The following LZTFL1 variants were observed in gnomAD, a reference collection of about 807,000 sequenced individuals.
LZTFL1 encodes the protein leucine zipper transcription factor-like protein 1.
A neutral mutation model predicts 45.9 loss-of-function variants in LZTFL1; 25 were observed. The observed-to-expected ratio is 0.54, with a 90% CI of 0.40 to 0.76. The LOEUF is 0.76. Among genes scored for constraint, LZTFL1 ranks in the 30% least tolerant of loss-of-function variants. The pLI is 0.00. For missense variants in LZTFL1, 277 were observed against 331.1 expected (o/e 0.84, Z 1.27); for synonymous variants, 93 against 117.4 (o/e 0.79, Z 1.35).
Position 45,827,128 on chromosome 3 carries a change from G to T in LZTFL1, c.881+228C>A, listed in dbSNP as rs1335403694. ...AATCCATTGCCAAGAGCAGCTTACT[G>T]TAGGCCTGTGTGAGTCTAAAGGCCT... On this transcript the variant is annotated intron_variant, in intron 9 of 9. Transcript: ENST00000296135. 2.0e-5 allele frequency: 10 copies of T among 501,300 alleles called. No individual in the cohort carries two copies. The South Asian group carries it at 2.8e-4, about 14-fold the overall frequency. The allele number at this position is 501,300 out of a possible 1,614,324, so 31.1% of individuals were successfully genotyped here.
upstream of LZTFL1, among the ~76,000 whole-genome samples, chr3:45,842,321 C>T (rs777545810): frequency 1.3e-5 from 2 of 152,260 alleles, no homozygotes; most frequent in Non-Finnish European, 2.9e-5. Context: ...GTTGGGCTGC[C>T]TGGAGTTGCG....
chr3:45,838,853 T>C (rs1168047744), intron 1 of LZTFL1, among the ~76,000 whole-genome samples: 1 of 152,038 alleles, frequency 6.6e-6, no homozygotes, highest in African/African-American at 2.4e-5. Flanking sequence ...ATAGCAAGAG[T>C]TGAAGGGAAG....
rs200260353 is a variant in LZTFL1, at chr3:45,825,115, A to C, written c.*1199T>G. 186 of 382,242 alleles carry C rather than the reference A, an allele frequency of 4.9e-4. No individual in the cohort carries two copies. Among genetic ancestry groups the C allele is most frequent in the East Asian group, 3.0e-3 (81 of 27,024 alleles). 23.7% of individuals were successfully genotyped at this position (382,242 alleles called of 1,614,324 possible). ...AAAATAACAACAAGCCCTATGCTCCAATCAGTAAACTCGTTTCTTGGAATA... is the reference window on the plus strand; with the variant it reads ...AAAATAACAACAAGCCCTATGCTCCCATCAGTAAACTCGTTTCTTGGAATA... On this transcript the variant is annotated 3_prime_UTR_variant, in exon 10 of 10. Coordinates refer to ENST00000296135, the MANE Select transcript of LZTFL1 (RefSeq NM_020347.4).
chr3:45,831,799 C>T (rs115894083), intron 5 of LZTFL1, among the ~76,000 whole-genome samples: 115 of 152,266 alleles, frequency 7.6e-4, no homozygotes, highest in African/African-American at 2.6e-3. Flanking sequence ...TTAGGTACCC[C>T]TTTACCCAAG....
At chr3:45,903,476 C>T (rs1020506201) in intron 2 of LZTFL1, among the ~76,000 whole-genome samples, 1 of 152,224 alleles carries the variant, frequency 6.6e-6, no homozygotes, top group African/African-American at 2.4e-5. Context: ...GTAAACCACC[C>T]CTGGCTTTGC....
intron 2 of LZTFL1, among the ~76,000 whole-genome samples, chr3:45,897,331 C>T (rs1178719649): frequency 1.3e-5 from 2 of 152,194 alleles, no homozygotes; most frequent in East Asian, 3.9e-4. Flanking sequence ...AAAAATATGC[C>T]TGGGGAGTCC....
chr3:45,894,990 A>G, intron 2 of LZTFL1: 2 of 1,606,270 alleles, frequency 1.2e-6, no homozygotes, highest in South Asian at 2.2e-5. Flanking sequence ...TCCTCAAAAC[A>G]CACACTCATC....
Position 45,833,170 on chromosome 3 carries a change from T to C in LZTFL1, c.385-49A>G, listed in dbSNP as rs750562366. 2.3e-6 allele frequency: 3 copies of C among 1,292,894 alleles called. No homozygotes were observed. The Admixed American group carries it at 5.1e-5, about 22-fold the overall frequency. The allele number at this position is 1,292,894 out of a possible 1,614,324, so 80.1% of individuals were successfully genotyped here. ...ACTGAAATCACCACAGAATAAAGCA[T>C]GTATAATCATTGAACACTTGCACTT... is the stretch of plus-strand genomic sequence containing the variant. On this transcript the variant is annotated intron_variant, in intron 4 of 9. Transcript: ENST00000296135.
At chr3:45,889,161 T>G (rs1702069767) in intron 2 of LZTFL1, among the ~76,000 whole-genome samples, 1 of 149,208 alleles carries the variant, frequency 6.7e-6, no homozygotes, top group Non-Finnish European at 1.5e-5. Flanking sequence ...ATTTTTAAAT[T>G]TTTTGTAGAG....
intron 2 of LZTFL1, among the ~76,000 whole-genome samples, chr3:45,863,214 C>T (rs1358232209): frequency 6.6e-6 from 1 of 152,144 alleles, no homozygotes; most frequent in Non-Finnish European, 1.5e-5. Context: ...AACTATATTT[C>T]AAGGTAAACA....
chr3:45,887,304 AG>A (rs1702013925), intron 2 of LZTFL1, among the ~76,000 whole-genome samples: 1 of 152,022 alleles, frequency 6.6e-6, no homozygotes, highest in African/African-American at 2.4e-5. Flanking sequence ...AAAGTCAGAA[AG>A]GAAGTATCTC....
chr3:45,901,475 C>A lies in LZTFL1; in HGVS notation c.-215+11645G>T, dbSNP rs1468625224. Reference sequence around the variant, plus strand: ...TGGGGTTCTTCCTTCCCTTCGTGGTCATGGCTTGCTGCTATACCATCATCA... The same window carrying A: ...TGGGGTTCTTCCTTCCCTTCGTGGTAATGGCTTGCTGCTATACCATCATCA... On this transcript the variant is annotated intron_variant, in intron 2 of 4. Coordinates refer to the LZTFL1 transcript ENST00000472635. This position sits in a 1 kb window ranked among gnomAD's most constrained non-coding sequence, Gnocchi z 4.3. 6.2e-7 allele frequency: 1 copy of A among 1,614,152 alleles called. No homozygotes were observed. The highest frequency in any genetic ancestry group is 8.5e-7 in the Non-Finnish European group (1 of 1,180,020).
At chr3:45,913,123 C>A (rs1702831994) in exon 2 of LZTFL1, 2 of 1,535,964 alleles carry the variant, frequency 1.3e-6, no homozygotes, top group Non-Finnish European at 1.7e-6. Context: ...GACTTACCAT[C>A]TTCCCTGGGT....
chr3:45,869,858 G>T (rs1701642377), intron 2 of LZTFL1, among the ~76,000 whole-genome samples: 1 of 152,224 alleles, frequency 6.6e-6, no homozygotes, highest in African/African-American at 2.4e-5. Flanking sequence ...TCAATCCTCT[G>T]GTTTAAAACT....
Position 45,903,590 on chromosome 3 carries a change from C to T in LZTFL1, c.-215+9530G>A, listed in dbSNP as rs571014986. ...CCAAAGGGGAGACAAAAGCACTGGA[C>T]CCTGCCATTTCACCCTTTTTCTCCC... On this transcript the variant is annotated intron_variant, in intron 2 of 4. Coordinates refer to the LZTFL1 transcript ENST00000472635. Among the ~76,000 whole-genome samples the T allele has an allele frequency of 2.4e-3, 358 of 152,338 alleles. 1 individual carries two copies. The highest frequency in any genetic ancestry group is 5.8e-3 in the Admixed American group (88 of 15,300).
At chr3:45,832,753 A>C (rs1700863163) in intron 5 of LZTFL1, 2 of 214,064 alleles carry the variant, frequency 9.3e-6, no homozygotes, top group Non-Finnish European at 1.9e-5. Context: ...TTATAAACTT[A>C]AAAACCCTTC....
chr3:45,912,347 C>T (rs1361535641), intron 2 of LZTFL1, among the ~76,000 whole-genome samples: 2 of 152,220 alleles, frequency 1.3e-5, no homozygotes, highest in African/African-American at 4.8e-5. Flanking sequence ...TTCTCTACCC[C>T]TCACTGTCCC....
intron 2 of LZTFL1, among the ~76,000 whole-genome samples, chr3:45,903,835 A>G (rs1702628463): frequency 6.6e-6 from 1 of 152,256 alleles, no homozygotes; most frequent in Non-Finnish European, 1.5e-5. Context: ...AACTTCTCCA[A>G]GGTCACTTAT....
At chr3:45,880,515 A>T (rs543799496) in intron 2 of LZTFL1, among the ~76,000 whole-genome samples, 6 of 152,058 alleles carry the variant, frequency 3.9e-5, no homozygotes, top group African/African-American at 1.4e-4. Context: ...AAAAAAGGAA[A>T]TCGGATCGTG....
Sources: allele counts gnomAD v4.1 joint callset (sites outside exome capture counted in the v4.1 genomes callset), GRCh38; gene constraint gnomAD v4.1.1; non-coding constraint Gnocchi (gnomAD v3.1); transcripts MANE v1.5; gene names NCBI Gene and HGNC (gene_info 2026-07-23, HGNC 2026-07-21).